Variants in MADD observed in about 807,000 individuals in gnomAD.
MADD encodes MAP kinase activating death domain, also known as MAP kinase-activating death domain protein.
In MADD, 109 loss-of-function variants were observed where a neutral mutation model predicts 176.7. The ratio of observed to expected loss-of-function variants is 0.62; its 90% confidence interval spans 0.53 to 0.72. The LOEUF is 0.72. MADD is among the 30% of genes least tolerant of loss of function. The pLI is 0.00. For synonymous variants in MADD, 771 were observed against 771.3 expected, an observed-to-expected ratio of 1.00 and a Z score of 0.01; for missense variants, 1,914 against 2,045.5, an observed-to-expected ratio of 0.94 and a Z score of 1.24.
At chr11:47,328,832 T>G in intron 32 of MADD, 128 bp downstream of exon 36, 1 of 1,262,920 alleles carries the variant, frequency 7.9e-7, no homozygotes, top group South Asian at 1.3e-5. Flanking sequence ...TTGCCAAAGG[T>G]TCAACTCAGG....
chr11:47,323,455 A>G (rs2094889928), intron 27 of MADD, among the ~76,000 whole-genome samples: 1 of 151,702 alleles, frequency 6.6e-6, no homozygotes. Flanking sequence ...TCCCTTATAC[A>G]TCGGTTCCTT....
At chr11:47,319,323 G>T (rs2093927473) in intron 27 of MADD, among the ~76,000 whole-genome samples, 1 of 151,710 alleles carries the variant, frequency 6.6e-6, no homozygotes, top group African/African-American at 2.4e-5. Context: ...AGCAGAGATG[G>T]GGTTTTGCCA....
At chr11:47,284,544 T>C (rs887263617) in exon 12 of MADD, 7 of 1,613,984 alleles carry the variant, frequency 4.3e-6, no homozygotes, top group East Asian at 4.5e-5. Context: ...GCCCCAGCAC[T>C]GTCATCCACG....
chr11:47,297,410 C>T (rs965220519), intron 22 of MADD, among the ~76,000 whole-genome samples: 13 of 151,156 alleles, frequency 8.6e-5, no homozygotes, highest in Non-Finnish European at 1.9e-4. Flanking sequence ...ATTGATTTTT[C>T]TTTTGTGCTG....
At chr11:47,278,550 T>C (rs1335156305) in intron 6 of MADD, among the ~76,000 whole-genome samples, 1 of 152,112 alleles carries the variant, frequency 6.6e-6, no homozygotes, top group Non-Finnish European at 1.5e-5. Flanking sequence ...CAGACAGTTG[T>C]GATCTGAGGG....
intron 26 of MADD, among the ~76,000 whole-genome samples, chr11:47,314,183 G>A (rs1473837612): frequency 1.3e-5 from 2 of 151,672 alleles, no homozygotes; most frequent in South Asian, 2.1e-4. Context: ...TGAGGCTGCC[G>A]TGAGCACCAC....
chr11:47,294,030 T>G, intron 20 of MADD, 47 bp downstream of exon 22: 1 of 1,382,306 alleles, frequency 7.2e-7, no homozygotes, highest in Non-Finnish European at 1.0e-6. Flanking sequence ...ATATGCTGTC[T>G]CAGAATACTT....
intron 26 of MADD, 94 bp from the exon 30 acceptor site, chr11:47,315,126 C>A: frequency 1.4e-6 from 1 of 720,230 alleles, no homozygotes; most frequent in South Asian, 1.6e-5. Context: ...GCTGAGGAAG[C>A]CGATATGAAT....
At chr11:47,274,701 G>A in exon 3 of MADD, 6 of 1,614,216 alleles carry the variant, frequency 3.7e-6, no homozygotes, top group East Asian at 2.2e-5. Context: ...TGCGGCAGCG[G>A]CGCATGAGCC....
chr11:47,312,637 T>C (rs1315464997), intron 26 of MADD, among the ~76,000 whole-genome samples: 1 of 152,156 alleles, frequency 6.6e-6, no homozygotes, highest in Admixed American at 6.6e-5. Context: ...GCATTCCCCA[T>C]GTTGGCCAGG....
exon 15 of MADD, chr11:47,286,490 C>G (rs781207856): frequency 6.2e-7 from 1 of 1,614,080 alleles, no homozygotes; most frequent in East Asian, 2.2e-5. Flanking sequence ...ACACTGCCCA[C>G]CAAAGGTGCC....
chr11:47,273,579 A>G (rs1272624173), intron 1 of MADD, among the ~76,000 whole-genome samples: 2 of 152,172 alleles, frequency 1.3e-5, no homozygotes, highest in Non-Finnish European at 2.9e-5. Flanking sequence ...ACCTCAGGTG[A>G]TCCGCCTCGG....
At position 47,282,511 on chromosome 11, in the gene MADD, C is replaced by T. The variant is rs138360989; in HGVS notation, c.1600C>T (p.Arg534Trp). ...TGGCTCCTTTCTAGCCTCACGTCCC[C>T]GGCAGACTCCTTTTGCCGAGAAATT... Residue 534 changes from arginine to tryptophan, a missense_variant, in exon 9 of 33, where the codon CGG becomes TGG. This residue lies in a region of MADD where 1,767 missense variants were observed against 1,836.0 expected (regional missense o/e 0.96). Transcript: ENST00000402192. 31 of 1,614,072 alleles carry T rather than the reference C, an allele frequency of 1.9e-5. No individual in the cohort carries two copies. The highest frequency in any genetic ancestry group is 1.6e-4 in the East Asian group (7 of 44,898).
upstream of MADD, chr11:47,269,487 C>G (rs376462067): frequency 6.6e-6 from 1 of 152,368 alleles, no homozygotes; most frequent in Admixed American, 6.5e-5. Flanking sequence ...AACCCAGTGT[C>G]GGTCCCCAGG....
At chr11:47,287,702 A>ACCTGG (rs1358241602) in intron 15 of MADD, among the ~76,000 whole-genome samples, 2 of 151,076 alleles carry the variant, frequency 1.3e-5, no homozygotes, top group African/African-American at 4.9e-5. Flanking sequence ...GAGCCACTGC[A>ACCTGG]CCTGGCCTGA....
intron 1 of MADD, among the ~76,000 whole-genome samples, chr11:47,272,668 G>A (rs1248778342): frequency 6.6e-6 from 1 of 152,180 alleles, no homozygotes; most frequent in Non-Finnish European, 1.5e-5. Context: ...GAAGTGTATA[G>A]ACACTTAACA....
At chr11:47,283,760 A>G (rs981438997) in intron 10 of MADD, among the ~76,000 whole-genome samples, 1 of 152,016 alleles carries the variant, frequency 6.6e-6, no homozygotes, top group Admixed American at 6.6e-5. Flanking sequence ...TTTAGTAGAG[A>G]CAAGGTTTCA....
intron 25 of MADD, among the ~76,000 whole-genome samples, chr11:47,311,377 C>A (rs1053657527): frequency 6.6e-6 from 1 of 152,138 alleles, no homozygotes; most frequent in African/African-American, 2.4e-5. Flanking sequence ...CTGGTGTTGC[C>A]ACTCTAAGTC....
chr11:47,305,970 G>C (rs1030304158), intron 22 of MADD, among the ~76,000 whole-genome samples: 30 of 152,192 alleles, frequency 2.0e-4, no homozygotes, highest in African/African-American at 4.6e-4. Flanking sequence ...GGGCATGACT[G>C]TTCTGGGTGA....
Sources: allele counts gnomAD v4.1 joint callset (sites outside exome capture counted in the v4.1 genomes callset), GRCh38; gene constraint gnomAD v4.1.1; regional missense constraint gnomAD v4.1.1; transcripts MANE v1.5; gene names NCBI Gene and HGNC (gene_info 2026-07-23, HGNC 2026-07-21).